REV3L: variants seen among roughly 807,000 people sequenced by gnomAD.
REV3L encodes the protein DNA polymerase zeta catalytic subunit.
A neutral mutation model predicts 299.4 loss-of-function variants in REV3L; 69 were observed. That is an observed-to-expected ratio of 0.23 (90% CI 0.19 to 0.28). REV3L has a LOEUF of 0.28. REV3L is among the 10% of genes least tolerant of loss of function. REV3L has a pLI of 1.00. For synonymous variants in REV3L, 1,238 were observed against 1,271.4 expected (o/e 0.97, Z 0.56); for missense variants, 3,128 against 3,693.8 (o/e 0.85, Z 3.97).
At chr6:111,479,518 T>TA (rs1292817310) in intron 1 of REV3L, among the ~76,000 whole-genome samples, 1 of 151,272 alleles carries the variant, frequency 6.6e-6, no homozygotes, top group Admixed American at 6.6e-5. Flanking sequence ...CCTTTTTTTT[T>TA]TTTTTTTTTA....
intron 1 of REV3L, among the ~76,000 whole-genome samples, chr6:111,449,285 G>A (rs1789226602): frequency 1.3e-5 from 2 of 152,154 alleles, no homozygotes; most frequent in South Asian, 4.1e-4. Context: ...AGCTTCCACG[G>A]AGCAGAGGGA....
At chr6:111,393,042 A>T (rs3218608) in intron 4 of REV3L, 70 bp from the exon 5 acceptor site, 93 of 887,284 alleles carry the variant, frequency 1.0e-4, no homozygotes, top group Admixed American at 2.5e-4. Flanking sequence ...TAGAAGGTAA[A>T]TTTTTTTTTT....
chr6:111,319,624 T>C (rs751677551), intron 26 of REV3L, among the ~76,000 whole-genome samples: 1 of 152,204 alleles, frequency 6.6e-6, no homozygotes, highest in Non-Finnish European at 1.5e-5. Flanking sequence ...CGATAACTTA[T>C]TGTACATTTA....
intron 1 of REV3L, among the ~76,000 whole-genome samples, chr6:111,433,233 C>T (rs1489396503): frequency 2.0e-5 from 3 of 151,716 alleles, no homozygotes; most frequent in Non-Finnish European, 4.4e-5. Flanking sequence ...AAAACCAATA[C>T]AGAAGATCAA....
chr6:111,446,158 T>G (rs895323714), intron 1 of REV3L, among the ~76,000 whole-genome samples: 2 of 152,194 alleles, frequency 1.3e-5, no homozygotes. Flanking sequence ...TGCTGTCTTG[T>G]GGTCATCAAT....
In REV3L at chr6:111,411,398, G is replaced by C. The variant is rs1005891705; in HGVS notation, c.404+82C>G. ...GTCTTTAATAAGACTACAAACTATA[G>C]AGGCCTTCTTTCTAGATTTTTTTTA... On this transcript the variant is annotated intron_variant, in intron 3 of 31. Transcript: ENST00000368802. 10 of 854,892 alleles carry C rather than the reference G, an allele frequency of 1.2e-5. No homozygotes were observed. In the East Asian group the frequency reaches 1.9e-4, roughly 16 times the overall value. The allele number at this position is 854,892 out of a possible 1,614,324, so 53.0% of individuals were successfully genotyped here.
chr6:111,425,930 A>G (rs1038524581), intron 1 of REV3L, among the ~76,000 whole-genome samples: 3 of 152,354 alleles, frequency 2.0e-5, no homozygotes, highest in Non-Finnish European at 4.4e-5. Context: ...AGGGGGTATG[A>G]TACTATGATA....
intron 1 of REV3L, among the ~76,000 whole-genome samples, chr6:111,464,504 A>C (rs541166126): frequency 6.6e-6 from 1 of 152,320 alleles, no homozygotes; most frequent in African/African-American, 2.4e-5. Context: ...ATTTAGAAAC[A>C]GAAAAAATGT....
chr6:111,346,649 C>G (rs532709227), intron 20 of REV3L, among the ~76,000 whole-genome samples: 2 of 152,124 alleles, frequency 1.3e-5, no homozygotes, highest in East Asian at 3.9e-4. Flanking sequence ...GTACCCAGTT[C>G]CAAATTTTTA....
At chr6:111,359,730 T>C (rs981789450) in intron 16 of REV3L, among the ~76,000 whole-genome samples, 2 of 152,176 alleles carry the variant, frequency 1.3e-5, no homozygotes, top group Admixed American at 6.5e-5. Context: ...AAACAAAATA[T>C]AGGTTGAATT....
At chr6:111,361,105 C>T (rs543006128) in intron 16 of REV3L, among the ~76,000 whole-genome samples, 2 of 151,826 alleles carry the variant, frequency 1.3e-5, no homozygotes, top group East Asian at 1.9e-4. Flanking sequence ...CATATGAGGC[C>T]GGGCACGGTG....
chr6:111,422,698 A>T (rs1203484519), intron 1 of REV3L, among the ~76,000 whole-genome samples: 31 of 130,618 alleles, frequency 2.4e-4, no homozygotes, highest in Non-Finnish European at 3.0e-4. Context: ...ATATATATAT[A>T]TATTTCCCCC....
At chr6:111,380,254 G>T (rs1780692625) in intron 10 of REV3L, 35 bp from the exon 11 acceptor site, 1 of 1,435,424 alleles carries the variant, frequency 7.0e-7, no homozygotes, top group Non-Finnish European at 9.7e-7. Flanking sequence ...CAACAAATAA[G>T]TTTTCTTTTT....
intron 4 of REV3L, among the ~76,000 whole-genome samples, chr6:111,398,345 TA>T (rs1782741358): frequency 2.0e-5 from 3 of 151,814 alleles, no homozygotes; most frequent in Admixed American, 1.3e-4. Flanking sequence ...ATGAGGATGT[TA>T]AAAAAATATA....
intron 1 of REV3L, among the ~76,000 whole-genome samples, chr6:111,420,960 G>A (rs1259971061): frequency 1.3e-5 from 2 of 152,098 alleles, no homozygotes; most frequent in Non-Finnish European, 2.9e-5. Context: ...CCAACATGGT[G>A]AAACCCCTCT....
At chr6:111,430,685 A>G in intron 1 of REV3L, 1 of 1,531,270 alleles carries the variant, frequency 6.5e-7, no homozygotes, top group Non-Finnish European at 9.0e-7. Context: ...ACACGCCTTC[A>G]AGAGTCCCAG....
chr6:111,338,460 G>T (rs1776160021), intron 21 of REV3L, among the ~76,000 whole-genome samples: 1 of 148,942 alleles, frequency 6.7e-6, no homozygotes, highest in South Asian at 2.1e-4. Flanking sequence ...GAATATTTCA[G>T]GATTTTTTTC....
intron 6 of REV3L, 27 bp downstream of exon 6, chr6:111,390,058 CA>C: frequency 1.4e-6 from 2 of 1,475,732 alleles, no homozygotes; most frequent in Non-Finnish European, 1.9e-6. Flanking sequence ...AAAATAAAAA[CA>C]TATATTAAGA....
intron 31 of REV3L, among the ~76,000 whole-genome samples, chr6:111,303,274 T>C (rs447917): frequency 0.2 from 30,074 of 148,642 alleles, 3,597 homozygotes; most frequent in East Asian, 0.37. Flanking sequence ...TAGGTTCAAG[T>C]GATTCTCCTG....
Sources: allele counts gnomAD v4.1 joint callset (sites outside exome capture counted in the v4.1 genomes callset), GRCh38; gene constraint gnomAD v4.1.1; transcripts MANE v1.5; gene names NCBI Gene and HGNC (gene_info 2026-07-23, HGNC 2026-07-21).